Variants in RNASE10 observed in about 807,000 individuals in gnomAD.
RNASE10 encodes the protein ribonuclease A family member 10 (inactive), also known as inactive ribonuclease-like protein 10.
A neutral mutation model predicts 1.1 loss-of-function variants in RNASE10; 2 were observed. The observed-to-expected ratio is 1.82, with a 90% CI of 0.74 to 5.73. The LOEUF (loss-of-function observed/expected upper bound fraction) is 5.73. Among genes scored for constraint, RNASE10 ranks in the 30% most tolerant of loss-of-function variants. The pLI is 0.05. For synonymous variants in RNASE10, 97 were observed against 96.2 expected (o/e 1.01, Z -0.05); for missense variants, 276 against 263.4 (o/e 1.05, Z -0.33).
intron 1 of RNASE10, among the ~76,000 whole-genome samples, chr14:20,506,444 GGGTCAGCCCCCTGCCC>G (rs1248949927): frequency 7.5e-6 from 1 of 134,060 alleles, no homozygotes; most frequent in Non-Finnish European, 1.6e-5. Context: ...GGGGGAGGGG[GGGTCAGCCCCCTGCCC>G]GGCCAGCCGC....
At chr14:20,508,445 AGC>A (rs1882808055) in intron 1 of RNASE10, among the ~76,000 whole-genome samples, 1 of 152,222 alleles carries the variant, frequency 6.6e-6, no homozygotes, top group Non-Finnish European at 1.5e-5. Context: ...CCCTTTGTCC[AGC>A]GTGTCCATGT....
upstream of RNASE10, among the ~76,000 whole-genome samples, chr14:20,505,257 GTTTGCTCCCTCTCCCTCTCCCTCT>G (rs1882660892): frequency 2.1e-5 from 2 of 96,936 alleles, no homozygotes; most frequent in African/African-American, 8.5e-5. Flanking sequence ...GAAAAAGTGA[GTTTGCTCCCTCTCCCTCTCCCTCT>G]CCCTCTCCCT....
intron 1 of RNASE10, among the ~76,000 whole-genome samples, chr14:20,506,664 G>A: frequency 8.9e-6 from 1 of 112,760 alleles, no homozygotes. Flanking sequence ...CAGGAGGGAG[G>A]TGGGGGGTCA....
At chr14:20,505,475 G>A (rs1185765841), upstream of RNASE10, 2 of 75,302 alleles carry the variant, frequency 2.7e-5, 1 homozygote, top group Non-Finnish European at 4.6e-5. Flanking sequence ...CACCACGCCT[G>A]ACTGGTTTTC....
At chr14:20,506,714 G>T (rs1882735790) in intron 1 of RNASE10, among the ~76,000 whole-genome samples, 1 of 104,946 alleles carries the variant, frequency 9.5e-6, no homozygotes, top group African/African-American at 4.1e-5. Context: ...GGAGGGAGGT[G>T]GGGGGGTCAG....
At chr14:20,510,835 A>C in exon 2 of RNASE10, 1 of 1,614,206 alleles carries the variant, frequency 6.2e-7, no homozygotes, top group Admixed American at 1.7e-5. Flanking sequence ...ATGCAATGAT[A>C]TGATGGCACA....
In RNASE10 at chr14:20,509,724, T is replaced by C. The variant is rs58988206; in HGVS notation, c.80-743T>C. ...CTTCTGTGGTAAATCTAGTCCTATA[T>C]TGACAATAAGGCTTTCTACAAGAAT... On this transcript the variant is annotated intron_variant, in intron 1 of 1. Transcript: ENST00000430083. Among the ~76,000 whole-genome samples the C allele has an allele frequency of 3.5e-3, 531 of 152,282 alleles. 4 individuals are homozygous for C. The highest frequency in any genetic ancestry group is 0.012 in the African/African-American group (491 of 41,566).
chr14:20,507,100 C>G (rs559251285), intron 1 of RNASE10, among the ~76,000 whole-genome samples: 3 of 149,898 alleles, frequency 2.0e-5, no homozygotes, highest in South Asian at 4.3e-4. Flanking sequence ...GCCAGGACCC[C>G]GTCTGGGAGG....
chr14:20,510,861 C>A (rs1488079042), exon 2 of RNASE10: 2 of 1,614,134 alleles, frequency 1.2e-6, no homozygotes. Context: ...TGAAGGAGCC[C>A]AGTCAGAGTT....
exon 2 of RNASE10, chr14:20,510,780 T>C: frequency 1.1e-5 from 18 of 1,614,178 alleles, no homozygotes; most frequent in Non-Finnish European, 1.5e-5. Context: ...CAGCTCTCTT[T>C]CAGAGCAACA....
chr14:20,512,045 AAG>A (rs1345118027), downstream of RNASE10, among the ~76,000 whole-genome samples: 1 of 152,140 alleles, frequency 6.6e-6, no homozygotes, highest in Non-Finnish European at 1.5e-5. Context: ...GAATGAGAAA[AAG>A]AGAGAGGAAA....
At chr14:20,506,571 T>C (rs1594439659) in intron 1 of RNASE10, among the ~76,000 whole-genome samples, 1 of 94,974 alleles carries the variant, frequency 1.1e-5, no homozygotes, top group African/African-American at 4.7e-5. Flanking sequence ...TACTGGGAAG[T>C]GAGGAGCCCC....
upstream of RNASE10, among the ~76,000 whole-genome samples, chr14:20,504,552 G>A (rs1050667402): frequency 2.8e-4 from 43 of 151,018 alleles, no homozygotes; most frequent in African/African-American, 6.6e-4. Context: ...GCCGGGCGCG[G>A]TGGCGGGCGC....
At chr14:20,506,456 T>C (rs1308007933) in intron 1 of RNASE10, among the ~76,000 whole-genome samples, 252 of 78,230 alleles carry the variant, frequency 3.2e-3, no homozygotes, top group Middle Eastern at 0.011. Context: ...GTCAGCCCCC[T>C]GCCCGGCCAG....
chr14:20,509,874 C>T (rs1216873940), intron 1 of RNASE10, among the ~76,000 whole-genome samples: 1 of 149,546 alleles, frequency 6.7e-6, no homozygotes, highest in East Asian at 2.0e-4. Context: ...CTTGTAATCC[C>T]AGCACTTTGG....
At chr14:20,507,389 C>T (rs1419054863) in intron 1 of RNASE10, among the ~76,000 whole-genome samples, 11 of 132,862 alleles carry the variant, frequency 8.3e-5, no homozygotes, top group African/African-American at 2.4e-4. Context: ...GCAAGATGTG[C>T]TTTGTTAAAC....
rs757360345 is a variant in RNASE10 at position 20,510,597 on chromosome 14, T to A, written c.210T>A (p.Asn70Lys). 1.5e-5 allele frequency: 25 copies of A among 1,613,992 alleles called. No individual in the cohort carries two copies. Among genetic ancestry groups the A allele is most frequent in the Non-Finnish European group, 2.1e-5 (25 of 1,180,034 alleles). Residue 70 changes from asparagine (N) to lysine (K), a missense_variant, in exon 2 of 2, where the codon AAT (asparagine) becomes AAA (lysine). Physicochemically the swap from Asn to Lys is moderately conservative, Grantham distance 94 (BLOSUM62 0). Coordinates refer to ENST00000430083, the Ensembl canonical transcript of RNASE10. ...TGGAGGAGAGTGATCAACCGCTCAA[T>A]GAATTTTGGTCCAGTGACTCACAGG...
downstream of RNASE10, among the ~76,000 whole-genome samples, chr14:20,512,059 G>C (rs1022014355): frequency 3.3e-5 from 5 of 152,192 alleles, no homozygotes; most frequent in Non-Finnish European, 4.4e-5. Context: ...GAGAGGAAAA[G>C]AGAGAAAGAG....
At chr14:20,512,202 T>C (rs898122413), downstream of RNASE10, among the ~76,000 whole-genome samples, 3 of 152,314 alleles carry the variant, frequency 2.0e-5, no homozygotes, top group East Asian at 5.8e-4. Context: ...TCCGCTTTAT[T>C]GCTCTAAAGA....
Sources: gnomAD v4.1 joint callset for allele counts (sites outside exome capture counted in the v4.1 genomes callset) on GRCh38, gnomAD v4.1.1 for gene constraint, MANE v1.5 for transcripts, NCBI Gene and HGNC (gene_info 2026-07-23, HGNC 2026-07-21) for gene names.